Variants in CPQ observed in about 807,000 individuals in gnomAD.
CPQ encodes the protein carboxypeptidase Q, also known as Ser-Met dipeptidase.
In CPQ, 37 loss-of-function variants were observed where a neutral mutation model predicts 45.7. The observed-to-expected ratio is 0.81, with a 90% CI of 0.62 to 1.07. CPQ has a LOEUF of 1.07. CPQ is among the 50% of genes least tolerant of loss of function. The probability of loss-of-function intolerance (pLI) is 0.00; values close to 1 mark genes in which losing one functional copy is unlikely to be tolerated. For missense variants in CPQ, 537 were observed against 572.9 expected (o/e 0.94, Z 0.64); for synonymous variants, 186 against 205.8 (o/e 0.90, Z 0.82).
intron 5 of CPQ, among the ~76,000 whole-genome samples, chr8:97,011,648 C>T (rs1043343170): frequency 3.5e-4 from 54 of 152,192 alleles, no homozygotes; most frequent in Non-Finnish European, 6.8e-4. Context: ...GACTTAATTT[C>T]TCTACCTCTC....
intron 7 of CPQ, among the ~76,000 whole-genome samples, chr8:97,135,433 C>T (rs1209292118): frequency 6.6e-6 from 1 of 151,966 alleles, no homozygotes; most frequent in African/African-American, 2.4e-5. Flanking sequence ...TTAAACTGCC[C>T]CCTTGAAAAG....
At chr8:97,084,128 A>G (rs562894848) in intron 7 of CPQ, among the ~76,000 whole-genome samples, 5 of 152,162 alleles carry the variant, frequency 3.3e-5, no homozygotes, top group Non-Finnish European at 7.4e-5. Context: ...TATATCAAAG[A>G]AACACGAATA....
intron 4 of CPQ, among the ~76,000 whole-genome samples, chr8:96,951,729 T>C (rs1813268846): frequency 6.6e-6 from 1 of 152,156 alleles, no homozygotes; most frequent in South Asian, 2.1e-4. Context: ...GTGCTTTTGA[T>C]TGATACTCCC....
In CPQ at chr8:96,926,578, C is replaced by CTTCTTCTTCTTCTTCTTCTTA. The variant is rs1812884999; in HGVS notation, c.850-39337_850-39336insATTCTTCTTCTTCTTCTTCTT. Among the ~76,000 whole-genome samples, 41 of 102,568 alleles carry CTTCTTCTTCTTCTTCTTCTTA rather than the reference C, an allele frequency of 4.0e-4. 1 individual carries two copies. Among genetic ancestry groups the CTTCTTCTTCTTCTTCTTCTTA allele is most frequent in the African/African-American group, 1.4e-3 (39 of 28,830 alleles). The allele number at this position is 102,568 out of a possible 152,430, so 67.3% of individuals were successfully genotyped here. ...TCTTCCTCTTCCTCTTCCTCTTCCT[C>CTTCTTCTTCTTCTTCTTCTTA]TTCTTCTTCTTCTTCTTCTTCTTCT... On this transcript the variant is annotated intron_variant, in intron 4 of 7. Transcript: ENST00000220763.
At chr8:96,687,144 T>A (rs761577574) in intron 1 of CPQ, among the ~76,000 whole-genome samples, 19 of 152,036 alleles carry the variant, frequency 1.2e-4, no homozygotes, top group Non-Finnish European at 2.6e-4. Flanking sequence ...TTCTTTCACA[T>A]TCCATTTTTC....
chr8:96,750,868 T>C (rs1810248812), intron 1 of CPQ, among the ~76,000 whole-genome samples: 1 of 152,182 alleles, frequency 6.6e-6, no homozygotes, highest in Non-Finnish European at 1.5e-5. Context: ...CTCCCACTTA[T>C]AAGTGAGAAC....
intron 4 of CPQ, among the ~76,000 whole-genome samples, chr8:96,937,576 A>G (rs1288090127): frequency 1.3e-5 from 2 of 152,210 alleles, no homozygotes; most frequent in Non-Finnish European, 1.5e-5. Context: ...TTGTATGAAC[A>G]TGGTCAAGTG....
rs182414365 is a variant in CPQ, at chr8:96,697,762, G to A, written c.-35+52360G>A. Among the ~76,000 whole-genome samples, 1,133 of 152,080 alleles carry A rather than the reference G, an allele frequency of 7.5e-3. 9 individuals carry two copies. Among genetic ancestry groups the A allele is most frequent in the Middle Eastern group, 0.024 (7 of 294 alleles). On this transcript the variant is annotated intron_variant, in intron 1 of 7. Coordinates refer to ENST00000220763, the MANE Select transcript of CPQ (RefSeq NM_016134.4). ...TTAAAAAGTAATCCCACTTACAGTAGCTACAAATAAAATTAAATACCTAGG... is the reference window on the plus strand; with the variant it reads ...TTAAAAAGTAATCCCACTTACAGTAACTACAAATAAAATTAAATACCTAGG...
At chr8:96,823,081 T>C (rs970475754) in intron 2 of CPQ, among the ~76,000 whole-genome samples, 1 of 151,984 alleles carries the variant, frequency 6.6e-6, no homozygotes, top group Non-Finnish European at 1.5e-5. Flanking sequence ...GCTTCTTCCA[T>C]CTGCATTTGA....
chr8:96,704,494 A>C (rs930956035), intron 1 of CPQ, among the ~76,000 whole-genome samples: 1 of 152,180 alleles, frequency 6.6e-6, no homozygotes, highest in Non-Finnish European at 1.5e-5. Context: ...ATTGAGTTGA[A>C]CTTTGAAGGA....
intron 6 of CPQ, among the ~76,000 whole-genome samples, chr8:97,038,697 T>A (rs542856416): frequency 6.6e-6 from 1 of 151,958 alleles, no homozygotes; most frequent in East Asian, 1.9e-4. Context: ...TTTTTTTTTT[T>A]AACAGTCCAG....
At chr8:96,720,757 G>A (rs191917527) in intron 1 of CPQ, among the ~76,000 whole-genome samples, 305 of 151,898 alleles carry the variant, frequency 2.0e-3, no homozygotes, top group Non-Finnish European at 3.3e-3. Flanking sequence ...ATCTGTTTAT[G>A]TACTGTGGTT....
chr8:97,082,895 G>A (rs769955547), intron 7 of CPQ, among the ~76,000 whole-genome samples: 36 of 152,112 alleles, frequency 2.4e-4, no homozygotes, highest in Non-Finnish European at 2.1e-4. Flanking sequence ...CTACTCTAAC[G>A]TGTATGTTAT....
At chr8:96,743,655 G>A (rs1425692279) in intron 1 of CPQ, among the ~76,000 whole-genome samples, 2 of 152,090 alleles carry the variant, frequency 1.3e-5, no homozygotes, top group Admixed American at 1.3e-4. Flanking sequence ...TGGGTTTTTG[G>A]TGTGGATGTC....
chr8:96,999,215 C>T (rs1809226563), intron 5 of CPQ, among the ~76,000 whole-genome samples: 1 of 151,282 alleles, frequency 6.6e-6, no homozygotes, highest in Non-Finnish European at 1.5e-5. Flanking sequence ...TTTTTAAATA[C>T]TCCTTTTTCT....
intron 1 of CPQ, among the ~76,000 whole-genome samples, chr8:96,768,938 GA>G (rs1229600456): frequency 2.0e-5 from 3 of 152,182 alleles, no homozygotes; most frequent in African/African-American, 7.2e-5. Context: ...ATAACATGGG[GA>G]AAACATGCTG....
intron 4 of CPQ, among the ~76,000 whole-genome samples, chr8:96,888,089 G>A (rs7813773): frequency 0.47 from 71,666 of 151,936 alleles, 17,536 homozygotes; most frequent in South Asian, 0.63. Context: ...GGGCTGTCCC[G>A]TGCATTGTGG....
intron 2 of CPQ, among the ~76,000 whole-genome samples, chr8:96,801,336 T>C (rs1220096345): frequency 6.6e-6 from 1 of 152,128 alleles, no homozygotes; most frequent in African/African-American, 2.4e-5. Flanking sequence ...AAGATAGATA[T>C]ATGGATAATT....
intron 4 of CPQ, among the ~76,000 whole-genome samples, chr8:96,885,362 C>T (rs1204195627): frequency 6.6e-6 from 1 of 152,150 alleles, no homozygotes; most frequent in Admixed American, 6.5e-5. Context: ...CACCTTCCAG[C>T]AATGTTGCAT....
Sources: allele counts gnomAD v4.1 joint callset (sites outside exome capture counted in the v4.1 genomes callset), GRCh38; gene constraint gnomAD v4.1.1; transcripts MANE v1.5; gene names NCBI Gene and HGNC (gene_info 2026-07-23, HGNC 2026-07-21).